MEI4: variants seen among roughly 807,000 people sequenced by gnomAD.
MEI4 encodes meiosis-specific protein MEI4.
Under a neutral mutation model 31.4 loss-of-function variants are expected in MEI4, and 27 were observed. The observed-to-expected ratio is 0.86, with a 90% CI of 0.63 to 1.19. MEI4 has a LOEUF of 1.19. MEI4 is among the 50% of genes most tolerant of loss of function. MEI4 has a pLI of 0.00. For missense variants in MEI4, 329 were observed against 398.9 expected, an observed-to-expected ratio of 0.82 and a Z score of 1.49; for synonymous variants, 122 against 145.4, an observed-to-expected ratio of 0.84 and a Z score of 1.16.
At chr6:77,891,023 T>C (rs1430495837) in intron 4 of MEI4, among the ~76,000 whole-genome samples, 5 of 152,310 alleles carry the variant, frequency 3.3e-5, no homozygotes, top group South Asian at 2.1e-4. Flanking sequence ...CTTTATAGCA[T>C]GTGAAAATGA....
intron 4 of MEI4, among the ~76,000 whole-genome samples, chr6:77,864,620 A>G (rs1448391215): frequency 6.6e-6 from 1 of 152,198 alleles, no homozygotes; most frequent in Non-Finnish European, 1.5e-5. Flanking sequence ...AGACTCCCAT[A>G]CAATAATAAT....
At chr6:77,813,502 C>CT (rs35823691) in intron 3 of MEI4, among the ~76,000 whole-genome samples, 55,133 of 146,048 alleles carry the variant, frequency 0.38, 11,906 homozygotes, top group East Asian at 0.66. Flanking sequence ...TCAGGACATT[C>CT]TTTTTTTTTT....
At chr6:77,882,714 C>T (rs1412755059) in intron 4 of MEI4, among the ~76,000 whole-genome samples, 1 of 152,102 alleles carries the variant, frequency 6.6e-6, no homozygotes, top group Non-Finnish European at 1.5e-5. Flanking sequence ...TTTTCACTGT[C>T]TCAGGGCCTG....
At chr6:77,878,127 G>A (rs1042716089) in intron 4 of MEI4, among the ~76,000 whole-genome samples, 1 of 152,058 alleles carries the variant, frequency 6.6e-6, no homozygotes, top group Admixed American at 6.5e-5. Context: ...GTCATCAGAG[G>A]TGGCATTGTG....
chr6:77,716,006 A>G (rs1766574300), intron 2 of MEI4, among the ~76,000 whole-genome samples: 1 of 152,040 alleles, frequency 6.6e-6, no homozygotes, highest in South Asian at 2.1e-4. Context: ...TCACCTCTGA[A>G]CTTTTGTAAT....
intron 2 of MEI4, among the ~76,000 whole-genome samples, chr6:77,746,222 T>G (rs983403605): frequency 6.6e-6 from 1 of 152,162 alleles, no homozygotes; most frequent in Non-Finnish European, 1.5e-5. Flanking sequence ...GATAGACCGC[T>G]AGCAAGACTA....
intron 4 of MEI4, among the ~76,000 whole-genome samples, chr6:77,910,323 C>A (rs1562035071): frequency 6.6e-6 from 1 of 152,100 alleles, no homozygotes. Flanking sequence ...TGTCTCAGCC[C>A]AAAATCTTCT....
chr6:77,802,361 T>C (rs1052204296), intron 3 of MEI4, among the ~76,000 whole-genome samples: 1 of 152,196 alleles, frequency 6.6e-6, no homozygotes, highest in Admixed American at 6.5e-5. Flanking sequence ...AGCCTATGTG[T>C]GTCTCTGCAT....
chr6:77,879,588 C>T (rs768845381), intron 4 of MEI4, among the ~76,000 whole-genome samples: 12 of 152,138 alleles, frequency 7.9e-5, no homozygotes, highest in Non-Finnish European at 1.5e-4. Flanking sequence ...ATACTTTTCT[C>T]AATATTAAAG....
intron 4 of MEI4, among the ~76,000 whole-genome samples, chr6:77,919,942 G>A (rs200450515): frequency 0.082 from 10,996 of 134,018 alleles, 619 homozygotes; most frequent in East Asian, 0.29. Flanking sequence ...TCCCAAGACT[G>A]AACCAGGAAG....
intron 2 of MEI4, among the ~76,000 whole-genome samples, chr6:77,744,880 G>A (rs1038341408): frequency 6.6e-6 from 1 of 152,176 alleles, no homozygotes; most frequent in African/African-American, 2.4e-5. Flanking sequence ...AGCTTCATAA[G>A]TGAAGGAGAA....
chr6:77,780,010 A>G (rs1016129464), intron 3 of MEI4, among the ~76,000 whole-genome samples: 2 of 152,156 alleles, frequency 1.3e-5, no homozygotes, highest in African/African-American at 4.8e-5. Context: ...CAAAGAATGG[A>G]GACTTCTTCA....
intron 2 of MEI4, among the ~76,000 whole-genome samples, chr6:77,709,234 G>A (rs754708164): frequency 6.6e-6 from 1 of 152,178 alleles, no homozygotes; most frequent in African/African-American, 2.4e-5. Context: ...AGAGGAAGCT[G>A]TTTCTTACGT....
chr6:77,803,002 A>C (rs1414748004), intron 3 of MEI4, among the ~76,000 whole-genome samples: 1 of 152,012 alleles, frequency 6.6e-6, no homozygotes, highest in African/African-American at 2.4e-5. Context: ...GTATTTCCTG[A>C]ATTTGAATGT....
At chr6:77,743,020 G>A (rs1285688611) in intron 2 of MEI4, among the ~76,000 whole-genome samples, 1 of 152,016 alleles carries the variant, frequency 6.6e-6, no homozygotes. Flanking sequence ...TTTGGTTACT[G>A]TAGCCTTATA....
intron 4 of MEI4, among the ~76,000 whole-genome samples, chr6:77,855,747 A>G (rs1770731771): frequency 1.3e-5 from 2 of 152,330 alleles, no homozygotes; most frequent in South Asian, 2.1e-4. Flanking sequence ...AGAGTGGATT[A>G]CATAGAACTT....
At chr6:77,870,594 T>C (rs1771166432) in intron 4 of MEI4, among the ~76,000 whole-genome samples, 1 of 152,184 alleles carries the variant, frequency 6.6e-6, no homozygotes, top group Non-Finnish European at 1.5e-5. Flanking sequence ...TAAAGGCATT[T>C]AACAGAGAGG....
intron 4 of MEI4, among the ~76,000 whole-genome samples, chr6:77,849,594 G>A (rs1469401132): frequency 6.6e-6 from 1 of 152,150 alleles, no homozygotes; most frequent in Non-Finnish European, 1.5e-5. Flanking sequence ...TCTTGATGGT[G>A]CTTAGATACT....
intron 3 of MEI4, among the ~76,000 whole-genome samples, chr6:77,815,041 A>G (rs141850326): frequency 3.5e-4 from 54 of 152,228 alleles, no homozygotes; most frequent in Non-Finnish European, 2.5e-4. Flanking sequence ...TAAGAGGATT[A>G]CTGTGACTAC....
Sources: gnomAD v4.1 joint callset for allele counts (sites outside exome capture counted in the v4.1 genomes callset) on GRCh38, gnomAD v4.1.1 for gene constraint, MANE v1.5 for transcripts, NCBI Gene and HGNC (gene_info 2026-07-23, HGNC 2026-07-21) for gene names.